The following CDC42BPA variants were observed in gnomAD, a reference collection of about 807,000 sequenced individuals.
CDC42BPA encodes serine/threonine-protein kinase MRCK alpha.
CDC42BPA carries 80 observed loss-of-function variants against 223.5 expected under a neutral mutation model. The ratio of observed to expected loss-of-function variants is 0.36; its 90% CI spans 0.30 to 0.43. CDC42BPA has a LOEUF of 0.43. CDC42BPA is among the 20% of genes least tolerant of loss of function. The pLI is 1.00. For synonymous variants in CDC42BPA, 694 were observed against 718.6 expected (o/e 0.97, Z 0.55); for missense variants, 1,743 against 2,099.9 (o/e 0.83, Z 3.32).
At chr1:227,291,440 T>G (rs1329791990) in intron 1 of CDC42BPA, among the ~76,000 whole-genome samples, 1 of 152,076 alleles carries the variant, frequency 6.6e-6, no homozygotes, top group Non-Finnish European at 1.5e-5. Flanking sequence ...TCCCAGCTAC[T>G]CAGGAGGCTG....
rs139302116 is a variant in CDC42BPA, at chr1:227,201,817, G to C, written c.355-2165C>G. Among the ~76,000 whole-genome samples the C allele has an allele frequency of 3.2e-3, 478 of 147,782 alleles. 3 individuals are homozygous for C. The highest frequency in any genetic ancestry group is 0.012 in the African/African-American group (459 of 39,856). ...TAACAATGAATTTGAACATCCTTCC[G>C]TATCAGTACACAGAAATCTACCTAA... On this transcript the variant is annotated intron_variant, in intron 3 of 36. Transcript: ENST00000366766.
chr1:227,267,020 G>A (rs1165070511), intron 1 of CDC42BPA, among the ~76,000 whole-genome samples: 1 of 152,092 alleles, frequency 6.6e-6, no homozygotes, highest in Non-Finnish European at 1.5e-5. Context: ...AAAGTTGTTG[G>A]GGAAGGCATA....
rs1553374263 is a variant in CDC42BPA at position 227,168,497 on chromosome 1, G to GTTTTATTTTTTTTTTTTTTTT, written c.600-7862_600-7861insAAAAAAAAAAAAAAAATAAAA. On this transcript the variant is annotated intron_variant, in intron 5 of 36. Coordinates refer to ENST00000366766, the MANE Select transcript of CDC42BPA (RefSeq NM_001394014.1). ...CTTTTTCATATTTATCTTCCCTGGT[G>GTTTTATTTTTTTTTTTTTTTT]TTTTTTTTTTTTTTTTGAGGCAGAG... Among the ~76,000 whole-genome samples, 2 of 80,196 alleles carry GTTTTATTTTTTTTTTTTTTTT rather than the reference G, an allele frequency of 2.5e-5. 1 individual carries two copies. 52.6% of individuals were successfully genotyped at this position (80,196 alleles called of 152,430 possible). A position where few individuals can be genotyped will look rare whatever the true frequency, so the allele number is the denominator to read the frequency against.
intron 16 of CDC42BPA, among the ~76,000 whole-genome samples, chr1:227,081,898 C>T (rs1488499718): frequency 2.6e-5 from 4 of 152,320 alleles, no homozygotes; most frequent in African/African-American, 9.6e-5. Flanking sequence ...TAGCATCATA[C>T]TACAAATTTC....
intron 21 of CDC42BPA, among the ~76,000 whole-genome samples, chr1:227,055,885 A>T (rs541463520): frequency 6.6e-6 from 1 of 152,060 alleles, no homozygotes; most frequent in Admixed American, 6.5e-5. Flanking sequence ...CATTTTACTT[A>T]ATGCTCTGTT....
chr1:227,053,074 C>A (rs1337636992), intron 21 of CDC42BPA, among the ~76,000 whole-genome samples: 2 of 152,166 alleles, frequency 1.3e-5, no homozygotes, highest in Non-Finnish European at 2.9e-5. Flanking sequence ...TTTAGCTCAA[C>A]AGAACTCTGG....
At chr1:227,079,964 A>C (rs1183436205) in intron 17 of CDC42BPA, among the ~76,000 whole-genome samples, 5 of 151,942 alleles carry the variant, frequency 3.3e-5, no homozygotes, top group African/African-American at 7.2e-5. Context: ...ACATCTTATA[A>C]ACATAGCCTG....
chr1:227,036,460 G>A (rs912311900), intron 24 of CDC42BPA, among the ~76,000 whole-genome samples: 9 of 120,390 alleles, frequency 7.5e-5, no homozygotes, highest in Admixed American at 4.7e-4. Context: ...ACGGAGTCTC[G>A]CTCTGTCGCC....
At chr1:227,269,279 T>C (rs955303606) in intron 1 of CDC42BPA, among the ~76,000 whole-genome samples, 9 of 152,308 alleles carry the variant, frequency 5.9e-5, no homozygotes, top group Non-Finnish European at 1.2e-4. Context: ...GAAGCAGAAA[T>C]GGGCTCAGAT....
intron 32 of CDC42BPA, among the ~76,000 whole-genome samples, chr1:227,018,523 T>C (rs1459738135): frequency 6.6e-6 from 1 of 152,132 alleles, no homozygotes; most frequent in East Asian, 1.9e-4. Flanking sequence ...TGAAAAAGCA[T>C]GGGAAAAGAC....
At chr1:227,064,899 C>A (rs1676669534) in intron 21 of CDC42BPA, among the ~76,000 whole-genome samples, 2 of 152,016 alleles carry the variant, frequency 1.3e-5, no homozygotes, top group Non-Finnish European at 2.9e-5. Flanking sequence ...AGATCAAGAC[C>A]ATCCTGGCTA....
intron 5 of CDC42BPA, among the ~76,000 whole-genome samples, chr1:227,190,988 C>T (rs1669609764): frequency 1.3e-5 from 2 of 152,156 alleles, no homozygotes; most frequent in South Asian, 4.2e-4. Context: ...AGCATGATAA[C>T]TAGAAGAGAA....
At chr1:227,236,920 G>GT (rs1679146117) in intron 2 of CDC42BPA, among the ~76,000 whole-genome samples, 1 of 152,008 alleles carries the variant, frequency 6.6e-6, no homozygotes, top group African/African-American at 2.4e-5. Context: ...ACACATGCCT[G>GT]TGGTACCAGC....
chr1:227,311,180 CCCCCATCT>C (rs1432043574), intron 1 of CDC42BPA, among the ~76,000 whole-genome samples: 4 of 151,648 alleles, frequency 2.6e-5, no homozygotes, highest in African/African-American at 9.7e-5. Flanking sequence ...ATAATGAGAC[CCCCCATCT>C]CCACACACAC....
chr1:227,306,756 T>C (rs1460394924), intron 1 of CDC42BPA, among the ~76,000 whole-genome samples: 3 of 152,164 alleles, frequency 2.0e-5, no homozygotes, highest in African/African-American at 7.2e-5. Context: ...TAGCTAGCAA[T>C]ACAATCTCAA....
chr1:227,276,041 G>A (rs994496858), intron 1 of CDC42BPA, among the ~76,000 whole-genome samples: 6 of 152,174 alleles, frequency 3.9e-5, no homozygotes, highest in Non-Finnish European at 5.9e-5. Context: ...GGGAAGTGAG[G>A]AGCGTCTCTG....
chr1:227,213,327 T>C, intron 2 of CDC42BPA, 108 bp from the exon 3 acceptor site: 1 of 570,492 alleles, frequency 1.8e-6, no homozygotes, highest in Non-Finnish European at 3.1e-6. Context: ...TTATCAATTA[T>C]GTCAATGCAG....
intron 22 of CDC42BPA, among the ~76,000 whole-genome samples, 164 bp from the exon 23 acceptor site, chr1:227,048,174 G>A (rs1672842750): frequency 6.6e-6 from 1 of 152,010 alleles, no homozygotes; most frequent in African/African-American, 2.4e-5. Context: ...TTCTCATAGT[G>A]TTGATAATTT....
At position 227,273,995 on chromosome 1, in the gene CDC42BPA, C is replaced by CAAAAAAAAA. The variant is rs10599884; in HGVS notation, c.179-19849_179-19841dup. Among the ~76,000 whole-genome samples, 540 of 56,990 alleles carry CAAAAAAAAA rather than the reference C, an allele frequency of 9.5e-3. 41 individuals carry two copies. The highest frequency in any genetic ancestry group is 0.014 in the Non-Finnish European group (436 of 31,184). 37.4% of individuals were successfully genotyped at this position (56,990 alleles called of 152,430 possible). A position where few individuals can be genotyped will look rare whatever the true frequency, so the allele number is the denominator to read the frequency against. ...ATAGTTTTCAAATATTCGTATACAC[C>CAAAAAAAAA]AAAAAAAAAAAAAAAAAAAAAAAAA... is the stretch of plus-strand genomic sequence containing the variant. On this transcript the variant is annotated intron_variant, in intron 1 of 36. Coordinates refer to ENST00000366766, the MANE Select transcript of CDC42BPA (RefSeq NM_001394014.1).
Sources: allele counts gnomAD v4.1 joint callset (sites outside exome capture counted in the v4.1 genomes callset), GRCh38; gene constraint gnomAD v4.1.1; transcripts MANE v1.5; gene names NCBI Gene and HGNC (gene_info 2026-07-23, HGNC 2026-07-21).